UPK1B: variants seen among roughly 807,000 people sequenced by gnomAD.
UPK1B encodes the protein uroplakin 1B.
UPK1B carries 28 observed loss-of-function variants against 34.2 expected under a neutral mutation model. That is an observed-to-expected ratio of 0.82 (90% CI 0.61 to 1.12). UPK1B has a LOEUF of 1.12. UPK1B is among the 50% of genes most tolerant of loss of function. The pLI is 0.00. For missense variants in UPK1B, 325 were observed against 320.9 expected, an observed-to-expected ratio of 1.01 and a Z score of -0.10; for synonymous variants, 81 against 110.4, an observed-to-expected ratio of 0.73 and a Z score of 1.67.
In UPK1B at chr3:119,191,018, A is replaced by G. The variant is rs749716746; in HGVS notation, c.382A>G (p.Arg128Gly). 4.3e-6 allele frequency: 7 copies of G among 1,614,018 alleles called. No homozygotes were observed. The highest frequency in any genetic ancestry group is 3.3e-5 in the Admixed American group (2 of 60,020). ...PNLFLKQMLE[R>G]YQNNSPPNND... is the part of the protein sequence containing the mutation. ...CCTCTTCCTGAAGCAGATGCTAGAG[A>G]GGTACCAAAACAACAGCCCTCCAAA... The change falls in exon 5 of 8, where the codon AGG becomes GGG. Residue 128 changes from arginine to glycine, a missense_variant. Physicochemically the swap from Arg to Gly is moderately radical, Grantham distance 125. Coordinates refer to ENST00000264234, the MANE Select transcript of UPK1B (RefSeq NM_006952.4).
chr3:119,176,569 G>A (rs566778829), intron 1 of UPK1B, among the ~76,000 whole-genome samples: 20 of 152,316 alleles, frequency 1.3e-4, no homozygotes, highest in African/African-American at 4.3e-4. Flanking sequence ...AGGCCACAGG[G>A]CAGTTTTCCC....
Position 119,190,032 on chromosome 3 carries a change from T to C in UPK1B, c.271-213T>C, listed in dbSNP as rs145135626. On this transcript the variant is annotated intron_variant, in intron 3 of 7. Transcript: ENST00000264234. ...AAACTGGACTGAGGAAGGTCTGTAT[T>C]CAATGGCTATTTGTTCTCTGGAGAA... Among the ~76,000 whole-genome samples the C allele has an allele frequency of 5.7e-4, 87 of 152,356 alleles. No homozygotes were observed. In the East Asian group the frequency reaches 0.016, roughly 28 times the overall value.
At chr3:119,191,487 T>G (rs1179623399) in intron 5 of UPK1B, among the ~76,000 whole-genome samples, 45 of 152,176 alleles carry the variant, frequency 3.0e-4, no homozygotes, top group Admixed American at 2.9e-3. Context: ...TCCAGTGCCA[T>G]CAAAAGTCCA....
intron 1 of UPK1B, among the ~76,000 whole-genome samples, chr3:119,176,321 T>TTG (rs1182293791): frequency 6.6e-6 from 1 of 152,234 alleles, no homozygotes; most frequent in Non-Finnish European, 1.5e-5. Context: ...CGAGTCTCAC[T>TTG]TCTTTTTCTT....
rs2078108450 is a variant in UPK1B at position 119,204,224 on chromosome 3, C to T, written c.*257C>T. On this transcript the variant is annotated 3_prime_UTR_variant, in exon 8 of 8. Transcript: ENST00000264234. The stretch of plus-strand genomic sequence containing the variant: ...GAATTTGAAAAATGCATAATAACTA[C>T]TTCCATCCCTGCTTATTTTTAATTT... The T allele has an allele frequency of 2.2e-6, 1 of 444,552 alleles. No homozygotes were observed. The highest frequency in any genetic ancestry group is 4.0e-6 in the Non-Finnish European group (1 of 250,936). The allele number at this position is 444,552 out of a possible 1,614,324, so 27.5% of individuals were successfully genotyped here. A position where few individuals can be genotyped will look rare whatever the true frequency, so the allele number is the denominator to read the frequency against.
chr3:119,199,912 C>T (rs1032148456), intron 7 of UPK1B, among the ~76,000 whole-genome samples: 3 of 152,106 alleles, frequency 2.0e-5, no homozygotes, highest in African/African-American at 7.2e-5. Context: ...TGGAAATTAA[C>T]ATAGAAAAAT....
At chr3:119,194,747 T>C (rs1559903458) in intron 6 of UPK1B, among the ~76,000 whole-genome samples, 1 of 152,234 alleles carries the variant, frequency 6.6e-6, no homozygotes, top group Non-Finnish European at 1.5e-5. Context: ...TTGGAAGGGA[T>C]GATGTGCAAA....
chr3:119,180,398 T>C (rs748267652), intron 1 of UPK1B, among the ~76,000 whole-genome samples: 8 of 152,138 alleles, frequency 5.3e-5, no homozygotes, highest in Non-Finnish European at 1.2e-4. Flanking sequence ...AATCCCACCA[T>C]ATCCCAGCAA....
intron 6 of UPK1B, among the ~76,000 whole-genome samples, chr3:119,197,936 A>G (rs546423697): frequency 4.6e-5 from 7 of 152,338 alleles, no homozygotes; most frequent in Middle Eastern, 3.4e-3. Flanking sequence ...AAAGTTCTAC[A>G]AGAAAGGAGT....
chr3:119,178,455 G>T (rs1004113747), intron 1 of UPK1B, among the ~76,000 whole-genome samples: 4 of 152,134 alleles, frequency 2.6e-5, no homozygotes, highest in African/African-American at 4.8e-5. Flanking sequence ...TTCTAAGCAG[G>T]GGGGAGATAT....
chr3:119,185,779 C>G (rs892298787), intron 1 of UPK1B, among the ~76,000 whole-genome samples: 1 of 152,190 alleles, frequency 6.6e-6, no homozygotes, highest in African/African-American at 2.4e-5. Context: ...TGGCTTTTCT[C>G]AAGGTGCTTC....
rs780481791 is a variant in UPK1B, at chr3:119,191,117, G to A, written c.468+13G>A. On this transcript the variant is annotated intron_variant, in intron 5 of 7. Transcript: ENST00000264234. Reference sequence around the variant, plus strand: ...GCTCATGCTCCAGGTAAGACCTGTGGTCTTGGGGAGATGCCATTTTTACTT... The same window carrying A: ...GCTCATGCTCCAGGTAAGACCTGTGATCTTGGGGAGATGCCATTTTTACTT... The A allele has an allele frequency of 1.9e-6, 3 of 1,612,724 alleles. No homozygotes were observed. The highest frequency in any genetic ancestry group is 1.1e-5 in the South Asian group (1 of 90,916).
intron 2 of UPK1B, 62 bp downstream of exon 2, chr3:119,186,872 C>T (rs79619920): frequency 1.5e-5 from 24 of 1,552,410 alleles, no homozygotes; most frequent in Non-Finnish European, 1.9e-5. Context: ...CTAGATGAAT[C>T]AAAAGTAAGA....
At chr3:119,201,768 G>A (rs187860327) in intron 7 of UPK1B, among the ~76,000 whole-genome samples, 1 of 152,274 alleles carries the variant, frequency 6.6e-6, no homozygotes, top group African/African-American at 2.4e-5. Context: ...AACATCCTGA[G>A]CACACCTCTA....
intron 6 of UPK1B, among the ~76,000 whole-genome samples, chr3:119,196,637 T>G (rs898623808): frequency 6.0e-5 from 9 of 150,542 alleles, no homozygotes; most frequent in Admixed American, 4.0e-4. Context: ...CCTCCCAGGT[T>G]CAAGTGATTC....
intron 1 of UPK1B, among the ~76,000 whole-genome samples, chr3:119,179,382 T>TATATATAGATAG: frequency 1.2e-5 from 1 of 82,950 alleles, no homozygotes; most frequent in East Asian, 5.2e-4. Flanking sequence ...TATATATATA[T>TATATATAGATAG]ATATATATAT....
chr3:119,198,046 A>G (rs1044269532), intron 6 of UPK1B, among the ~76,000 whole-genome samples: 2 of 152,320 alleles, frequency 1.3e-5, no homozygotes, highest in Middle Eastern at 3.4e-3. Flanking sequence ...GGATGAGTAG[A>G]TGACAAGGAT....
chr3:119,187,816 A>T lies in UPK1B; in HGVS notation c.111A>T (p.Val37=). The T allele has an allele frequency of 6.2e-7, 1 of 1,611,600 alleles. No homozygotes were observed. The highest frequency in any genetic ancestry group is 1.1e-5 in the South Asian group (1 of 91,022). ...IALTAECIFF[V]SDQHSLYPLL... ...TGACTGCGGAGTGCATCTTCTTTGTATCTGACCAACACAGCCTCTACCCAC... is the reference window on the plus strand; with the variant it reads ...TGACTGCGGAGTGCATCTTCTTTGTTTCTGACCAACACAGCCTCTACCCAC... Residue 37 remains valine, a synonymous_variant, in exon 3 of 8, where the codon GTA becomes GTT. Transcript: ENST00000264234.
chr3:119,197,067 C>A (rs1243220116), intron 6 of UPK1B, among the ~76,000 whole-genome samples: 2 of 152,072 alleles, frequency 1.3e-5, no homozygotes, highest in Admixed American at 6.6e-5. Context: ...TTTTTGACAA[C>A]CATATTGTAG....
Sources: allele counts gnomAD v4.1 joint callset (sites outside exome capture counted in the v4.1 genomes callset), GRCh38; gene constraint gnomAD v4.1.1; transcripts MANE v1.5; gene names NCBI Gene and HGNC (gene_info 2026-07-23, HGNC 2026-07-21).